The following ZNF8 variants were observed in gnomAD, a reference collection of about 807,000 sequenced individuals.
ZNF8 encodes zinc finger protein 272.
Under a neutral mutation model 12.2 loss-of-function variants are expected in ZNF8, and 9 were observed. The observed-to-expected ratio is 0.73, with a 90% CI of 0.44 to 1.28. The LOEUF is 1.28. ZNF8 is among the 50% of genes most tolerant of loss of function. The pLI, the probability that ZNF8 is intolerant of heterozygous loss-of-function variation, is 0.00. For synonymous variants in ZNF8, 274 were observed against 282.3 expected, an observed-to-expected ratio of 0.97 and a Z score of 0.30; for missense variants, 664 against 729.1, an observed-to-expected ratio of 0.91 and a Z score of 1.03.
Position 58,294,004 on chromosome 19 carries a change from A to G in ZNF8, c.290-94A>G, listed in dbSNP as rs547834896. 188 of 1,200,388 alleles carry G rather than the reference A, an allele frequency of 1.6e-4. No individual in the cohort carries two copies. In the South Asian group the frequency reaches 2.4e-3, roughly 15 times the overall value. 74.4% of individuals were successfully genotyped at this position (1,200,388 alleles called of 1,614,324 possible). ...GGACTTGCCAGGGCAGCTGGTTAGG[A>G]CCCCATTTCAATATCAGGCCTATGG... On this transcript the variant is annotated intron_variant, in intron 3 of 3. Transcript: ENST00000621650. This position sits in a 1 kb window ranked among gnomAD's most constrained non-coding sequence, Gnocchi z 5.5.
At position 58,295,129 on chromosome 19, in the gene ZNF8, A is replaced by G. The variant is rs758749092; in HGVS notation, c.1321A>G (p.Lys441Glu). 1 of 1,614,014 alleles carries G rather than the reference A, an allele frequency of 6.2e-7. No individual in the cohort carries two copies. ...CTTTGAGCAGACGCCAGCTCTCACA[A>G]AGCATGAATGGACAGAAGCCCTGGG... is the stretch of plus-strand genomic sequence containing the variant. The part of the protein sequence containing the change: ...LIFEQTPALT[K>E]HEWTEALGCD... Residue 441 changes from lysine (K) to glutamate (E), a missense_variant, in exon 4 of 4, where the codon AAG (lysine) becomes GAG (glutamate). This residue lies in a region of ZNF8 where 225 missense variants were observed against 222.0 expected (regional missense o/e 1.01). Coordinates refer to ENST00000621650, the MANE Select transcript of ZNF8 (RefSeq NM_021089.3).
intron 1 of ZNF8, 151 bp from the exon 2 acceptor site, chr19:58,285,566 A>G (rs1453746246): frequency 1.6e-5 from 17 of 1,089,704 alleles, no homozygotes; most frequent in Non-Finnish European, 2.1e-5. Flanking sequence ...TAGTGGCCTA[A>G]TAGGTGCCCA....
rs34775791 is a variant in ZNF8 at position 58,283,599 on chromosome 19, CTTT to C, written c.67-2102_67-2100del. Among the ~76,000 whole-genome samples the C allele has an allele frequency of 2.7e-3, 331 of 122,848 alleles. 3 individuals are homozygous for C. The highest frequency in any genetic ancestry group is 4.5e-3 in the Non-Finnish European group (269 of 59,490). 80.6% of individuals were successfully genotyped at this position (122,848 alleles called of 152,430 possible). A position where few individuals can be genotyped will look rare whatever the true frequency, so the allele number is the denominator to read the frequency against. ...CCTTCAGAACTGTAAGAAATAAACT[CTTT>C]TTTTTTTTTTTTTTTGAGTCGGAGT... On this transcript the variant is annotated intron_variant, in intron 1 of 3. Transcript: ENST00000621650.
At chr19:58,292,538 CAT>C (rs2051426073) in intron 3 of ZNF8, among the ~76,000 whole-genome samples, 1 of 152,196 alleles carries the variant, frequency 6.6e-6, no homozygotes, top group African/African-American at 2.4e-5. Flanking sequence ...AGGGTTTCAA[CAT>C]AGGAATTTTG....
chr19:58,292,555 C>T (rs974004088), intron 3 of ZNF8, among the ~76,000 whole-genome samples: 13 of 152,184 alleles, frequency 8.5e-5, no homozygotes, highest in African/African-American at 2.4e-4. Flanking sequence ...ATTTTGCTAT[C>T]GACATTCAGT....
chr19:58,283,734 G>C (rs1309623163), intron 1 of ZNF8, among the ~76,000 whole-genome samples: 1 of 151,588 alleles, frequency 6.6e-6, no homozygotes, highest in East Asian at 2.0e-4. Context: ...CATGTAGCTG[G>C]AACTACAGAC....
chr19:58,289,500 A>G (rs1001341605), intron 3 of ZNF8, among the ~76,000 whole-genome samples: 26 of 105,576 alleles, frequency 2.5e-4, no homozygotes, highest in African/African-American at 8.1e-4. Context: ...TGTCTCAAAG[A>G]AAAAAAAAAA....
Position 58,294,106 on chromosome 19 carries a change from C to A in ZNF8, c.298C>A (p.Pro100Thr). Residue 100 changes from proline (P) to threonine (T), a missense_variant, in exon 4 of 4, where the codon CCT becomes ACT. By Grantham distance (38) the Pro-to-Thr change is conservative. Transcript: ENST00000621650. The surrounding 1 kb of genome is among the most constrained non-coding windows in gnomAD (Gnocchi z 5.5). ...TTTGGGTTTTCTTTCAGCCTGGGAG[C>A]CTCGATCTGAAAGCCAAGCATCACG... ...TTQGCHPAWE[P>T]RSESQASRKE... is the part of the protein sequence containing the mutation. 6.3e-7 allele frequency: 1 copy of A among 1,597,772 alleles called. No individual in the cohort carries two copies. Among genetic ancestry groups the A allele is most frequent in the Non-Finnish European group, 8.6e-7 (1 of 1,168,604 alleles).
chr19:58,296,798 T>G lies in ZNF8; in HGVS notation c.*1262T>G, dbSNP rs1422542085. On this transcript the variant is annotated 3_prime_UTR_variant, in exon 4 of 4. Transcript: ENST00000621650. ...AAGGGTGCCGCCGTCATGTAGTGGG[T>G]AGAGGCCAGGGACGCTGCTCAACAT... 1 of 152,388 alleles carries G rather than the reference T, an allele frequency of 6.6e-6. No individual in the cohort carries two copies. Among genetic ancestry groups the G allele is most frequent in the East Asian group, 1.9e-4 (1 of 5,194 alleles). The allele number at this position is 152,388 out of a possible 1,614,324, so 9.4% of individuals were successfully genotyped here.
At chr19:58,290,756 A>G (rs1361138548) in intron 3 of ZNF8, among the ~76,000 whole-genome samples, 1 of 152,148 alleles carries the variant, frequency 6.6e-6, no homozygotes, top group African/African-American at 2.4e-5. Context: ...GCATTAAAAA[A>G]TAAAGGAAAA....
chr19:58,278,958 G>A lies in ZNF8; in HGVS notation c.-124G>A. The A allele has an allele frequency of 8.3e-7, 1 of 1,204,748 alleles. No homozygotes were observed. The allele number at this position is 1,204,748 out of a possible 1,614,324, so 74.6% of individuals were successfully genotyped here. ...GCCGCACGGCCTACTGGGAGTTGTA[G>A]TCGCCGCGTCGCCGGTGCGGCCGCC... On this transcript the variant is annotated 5_prime_UTR_variant, in exon 1 of 4. Coordinates refer to ENST00000621650, the MANE Select transcript of ZNF8 (RefSeq NM_021089.3).
chr19:58,280,709 G>C (rs2051345743), intron 1 of ZNF8: 1 of 152,236 alleles, frequency 6.6e-6, no homozygotes, highest in Non-Finnish European at 1.5e-5. Context: ...TCAGAAGTCT[G>C]AAATCGGTTT....
At chr19:58,280,329 C>T (rs2051342262) in intron 1 of ZNF8, 1 of 165,716 alleles carries the variant, frequency 6.0e-6, no homozygotes, top group South Asian at 1.5e-4. Context: ...CCATGTAGGC[C>T]TCTCTTTGGA....
intron 1 of ZNF8, chr19:58,279,639 T>G: frequency 6.5e-7 from 1 of 1,534,026 alleles, no homozygotes; most frequent in African/African-American, 1.4e-5. Context: ...GCACAACCTC[T>G]TGGGGGCAAT....
intron 1 of ZNF8, chr19:58,279,532 G>C: frequency 6.6e-7 from 1 of 1,506,526 alleles, no homozygotes; most frequent in Non-Finnish European, 8.8e-7. Context: ...CGGGTGCCCA[G>C]ATGGCAAGAA....
chr19:58,287,436 GAT>G (rs2147956585), intron 3 of ZNF8, among the ~76,000 whole-genome samples: 1 of 146,222 alleles, frequency 6.8e-6, no homozygotes, highest in Admixed American at 7.1e-5. Flanking sequence ...TGTCACAAAT[GAT>G]CCTCCTGCTT....
At position 58,299,950 on chromosome 19, in the gene ZNF8, C is replaced by G. The variant is rs2051481541; in HGVS notation, c.*4414C>G. On this transcript the variant is annotated 3_prime_UTR_variant, in exon 4 of 4. Transcript: ENST00000621650. The stretch of plus-strand genomic sequence containing the variant: ...CCCAAGTTCGTTTCTCTGCACTTAC[C>G]TCTTCGGGGTTGTCCTCAAAACGTT... 1 of 152,174 alleles carries G rather than the reference C, an allele frequency of 6.6e-6. No individual in the cohort carries two copies. Among genetic ancestry groups the G allele is most frequent in the East Asian group, 1.9e-4 (1 of 5,188 alleles). The allele number at this position is 152,174 out of a possible 1,614,324, so 9.4% of individuals were successfully genotyped here.
At position 58,297,513 on chromosome 19, in the gene ZNF8, A is replaced by C. The variant is rs2147962929; in HGVS notation, c.*1977A>C. On this transcript the variant is annotated 3_prime_UTR_variant, in exon 4 of 4. Transcript: ENST00000621650. ...TTGGCAGCCTCGACCTCCTGGGCTC[A>C]AGTGATCCTCCCACCCCAGCCTCCC... is the stretch of plus-strand genomic sequence containing the variant. 1 of 152,032 alleles carries C rather than the reference A, an allele frequency of 6.6e-6. No homozygotes were observed. The allele number at this position is 152,032 out of a possible 1,614,324, so 9.4% of individuals were successfully genotyped here. A position where few individuals can be genotyped will look rare whatever the true frequency, so the allele number is the denominator to read the frequency against.
At position 58,294,910 on chromosome 19, in the gene ZNF8, C is replaced by G; in HGVS notation, c.1102C>G (p.Pro368Ala). The G allele has an allele frequency of 6.2e-7, 1 of 1,614,166 alleles. No individual in the cohort carries two copies. Among genetic ancestry groups the G allele is most frequent in the African/African-American group, 1.3e-5 (1 of 75,050 alleles). The change falls in exon 4 of 4, where the codon CCA becomes GCA. Residue 368 changes from proline to alanine, a missense_variant. This residue lies in a region of ZNF8 where 133 missense variants were observed against 198.4 expected (regional missense o/e 0.67). Coordinates refer to ENST00000621650, the MANE Select transcript of ZNF8 (RefSeq NM_021089.3). This position sits in a 1 kb window ranked among gnomAD's most constrained non-coding sequence, Gnocchi z 5.5. ...CAAGAGGACACACACTGGGGAGAAG[C>G]CATACACCTGCAGTGTGTGTGGGAA... ...RHKRTHTGEKPYTCSVCGKSF... is the reference protein window; with the variant it reads ...RHKRTHTGEKAYTCSVCGKSF...
Sources: gnomAD v4.1 joint callset for allele counts (sites outside exome capture counted in the v4.1 genomes callset) on GRCh38, gnomAD v4.1.1 for gene constraint, gnomAD v4.1.1 regional missense constraint, Gnocchi (gnomAD v3.1) non-coding constraint, MANE v1.5 for transcripts, NCBI Gene and HGNC (gene_info 2026-07-23, HGNC 2026-07-21) for gene names.